Variants in BAZ2B observed in about 807,000 individuals in gnomAD.
BAZ2B encodes bromodomain adjacent to zinc finger domain protein 2B.
Under a neutral mutation model 246.0 loss-of-function variants are expected in BAZ2B, and 91 were observed. The observed-to-expected ratio is 0.37, with a 90% CI of 0.31 to 0.44. The LOEUF is 0.44. Ranked by LOEUF, BAZ2B falls within the 20% of genes least tolerant of loss-of-function variation. The pLI, the probability that BAZ2B is intolerant of heterozygous loss-of-function variation, is 1.00. For synonymous variants in BAZ2B, 855 were observed against 860.0 expected, an observed-to-expected ratio of 0.99 and a Z score of 0.10; for missense variants, 2,332 against 2,533.7, an observed-to-expected ratio of 0.92 and a Z score of 1.71.
intron 3 of BAZ2B, 130 bp from the exon 4 acceptor site, chr2:159,453,931 C>T (rs932708095): frequency 4.0e-6 from 3 of 745,460 alleles, no homozygotes; most frequent in East Asian, 3.4e-5. Context: ...TTTCCTGCTG[C>T]ATTTTCTACT....
At chr2:159,696,316 C>T in the BAZ2B span, among the ~76,000 whole-genome samples, 1 of 152,060 alleles carries the variant, frequency 6.6e-6, no homozygotes, top group Non-Finnish European at 1.5e-5. Flanking sequence ...GATTTGGGGG[C>T]AAGGCAGCGT....
intron 1 of BAZ2B, among the ~76,000 whole-genome samples, chr2:159,559,486 T>G (rs1214828167): frequency 6.6e-6 from 1 of 152,178 alleles, no homozygotes. Context: ...ACTATGCATA[T>G]CTGAATAAAA....
the BAZ2B span, among the ~76,000 whole-genome samples, chr2:159,702,094 T>C: frequency 1.2e-3 from 187 of 152,174 alleles, no homozygotes; most frequent in African/African-American, 4.4e-3. Flanking sequence ...TACATATCTG[T>C]GCCAATTTTG....
intron 13 of BAZ2B, among the ~76,000 whole-genome samples, chr2:159,413,727 A>AATAG (rs911501928): frequency 1.3e-5 from 2 of 152,118 alleles, no homozygotes; most frequent in African/African-American, 4.8e-5. Context: ...TAAATAAATA[A>AATAG]ATAGATAAAC....
chr2:159,418,537 A>G (rs530248193), intron 13 of BAZ2B, among the ~76,000 whole-genome samples: 3 of 151,922 alleles, frequency 2.0e-5, no homozygotes, highest in African/African-American at 7.2e-5. Context: ...TCCTGATTCA[A>G]TTTTACTCAT....
chr2:159,392,397 T>A (rs541076819), intron 20 of BAZ2B, among the ~76,000 whole-genome samples: 1 of 152,282 alleles, frequency 6.6e-6, no homozygotes, highest in East Asian at 1.9e-4. Flanking sequence ...ATGGTAGTAC[T>A]TCTTGTTTTT....
At chr2:159,446,223 C>T (rs1006460150) in intron 6 of BAZ2B, among the ~76,000 whole-genome samples, 2 of 151,956 alleles carry the variant, frequency 1.3e-5, no homozygotes, top group Admixed American at 1.3e-4. Flanking sequence ...CAAGAAGTGG[C>T]AAAGAAGAAA....
At chr2:159,627,495 G>T in the BAZ2B span, among the ~76,000 whole-genome samples, 1 of 152,068 alleles carries the variant, frequency 6.6e-6, no homozygotes, top group South Asian at 2.1e-4. Context: ...TCAACCCTGG[G>T]ATGCAAGGCT....
At chr2:159,324,677 CACACACACACA>C (rs1558938178) in intron 36 of BAZ2B, 123 bp downstream of exon 36, 2 of 236,392 alleles carry the variant, frequency 8.5e-6, no homozygotes, top group Non-Finnish European at 7.0e-6. Context: ...CACACACACA[CACACACACACA>C]CCTGCCTCAA....
At position 159,349,044 on chromosome 2, in the gene BAZ2B, T is replaced by C. The variant is rs1369094585; in HGVS notation, c.5100A>G (p.Lys1700=). Residue 1700 remains lysine, a synonymous_variant, in exon 29 of 37, where the codon AAA becomes AAG. Coordinates refer to ENST00000392783, the MANE Select transcript of BAZ2B (RefSeq NM_013450.4). The part of the protein sequence containing the change: ...SAQPAAVEVA[K]PVDFPSPKPI... ...GTTTTGGACTAGGAAAATCTACTGG[T>C]TTTGCTACTTCAACAGCTGCAGGTT... 2 of 1,614,134 alleles carry C rather than the reference T, an allele frequency of 1.2e-6. No homozygotes were observed. The highest frequency in any genetic ancestry group is 8.5e-7 in the Non-Finnish European group (1 of 1,179,996).
In BAZ2B at chr2:159,468,456, T is replaced by A. The variant is rs1468740823; in HGVS notation, c.145+10119A>T. 2.0e-5 allele frequency among the ~76,000 whole-genome samples: 3 copies of A among 152,092 alleles called. No homozygotes were observed. The South Asian group carries it at 6.2e-4, about 32-fold the overall frequency. ...GGAGTCTAGCATGAAAAAGCAGAAG[T>A]GGGAAGCCAAAAGAATCATAGCACA... On this transcript the variant is annotated intron_variant, in intron 3 of 36. Transcript: ENST00000392783.
chr2:159,495,686 A>G lies in BAZ2B; in HGVS notation c.-2-16965T>C, dbSNP rs546982194. 2.8e-4 allele frequency among the ~76,000 whole-genome samples: 42 copies of G among 152,182 alleles called. 1 individual carries two copies. The South Asian group carries it at 8.7e-3, about 32-fold the overall frequency. On this transcript the variant is annotated intron_variant, in intron 2 of 36. Transcript: ENST00000392783. ...TTTACTTATAAATTTTAGTATCTAC[A>G]AAGACCACATGGTAGTGTTGGAGTA...
the BAZ2B span, among the ~76,000 whole-genome samples, chr2:159,660,801 T>C: frequency 6.6e-6 from 1 of 152,176 alleles, no homozygotes; most frequent in Non-Finnish European, 1.5e-5. Context: ...TTTTACCATG[T>C]TGGTCAGGCT....
At chr2:159,539,264 T>C (rs1289316505) in intron 2 of BAZ2B, among the ~76,000 whole-genome samples, 4 of 152,250 alleles carry the variant, frequency 2.6e-5, no homozygotes, top group Non-Finnish European at 4.4e-5. Context: ...TTTTCTACTT[T>C]TATAAATTTA....
the BAZ2B span, among the ~76,000 whole-genome samples, chr2:159,668,955 C>G: frequency 6.6e-6 from 1 of 151,982 alleles, no homozygotes; most frequent in South Asian, 2.1e-4. Context: ...ACTCGGGAGG[C>G]TGAGGCAGGA....
chr2:159,475,512 G>A (rs1002938576), intron 3 of BAZ2B, among the ~76,000 whole-genome samples: 18 of 152,054 alleles, frequency 1.2e-4, no homozygotes, highest in African/African-American at 1.9e-4. Context: ...CCTTTAGCTC[G>A]GAGGAGTTTG....
intron 21 of BAZ2B, 73 bp downstream of exon 21, chr2:159,389,272 G>T: frequency 1.4e-6 from 2 of 1,387,962 alleles, no homozygotes; most frequent in Non-Finnish European, 1.9e-6. Flanking sequence ...AGCAGCTCTG[G>T]CAAAGAAATC....
chr2:159,381,712 C>A (rs1428486522), intron 25 of BAZ2B, among the ~76,000 whole-genome samples: 6 of 152,118 alleles, frequency 3.9e-5, no homozygotes, highest in Non-Finnish European at 5.9e-5. Flanking sequence ...CCATGCCATT[C>A]TCTGATTATA....
In BAZ2B at chr2:159,546,726, C is replaced by T. The variant is rs138688634; in HGVS notation, c.-3+9097G>A. On this transcript the variant is annotated intron_variant, in intron 2 of 36. Transcript: ENST00000392783. ...GCATACCACATGATCTAAGAATATG[C>T]TCATACTGATTTATTTTATATTAAC... 9.9e-5 allele frequency among the ~76,000 whole-genome samples: 15 copies of T among 151,880 alleles called. No homozygotes were observed. In the East Asian group the frequency reaches 2.9e-3, roughly 29 times the overall value.
Sources: allele counts gnomAD v4.1 joint callset (sites outside exome capture counted in the v4.1 genomes callset), GRCh38; gene constraint gnomAD v4.1.1; transcripts MANE v1.5; gene names NCBI Gene and HGNC (gene_info 2026-07-23, HGNC 2026-07-21).